The following SDCCAG8 variants were observed in gnomAD, a reference collection of about 807,000 sequenced individuals.
SDCCAG8 encodes SHH signaling and ciliogenesis regulator SDCCAG8.
In SDCCAG8, 74 loss-of-function variants were observed where a neutral mutation model predicts 101.8. The observed-to-expected ratio is 0.73, with a 90% CI of 0.60 to 0.88. The LOEUF is 0.88. SDCCAG8 is among the 40% of genes least tolerant of loss of function. The pLI is 0.00. For synonymous variants in SDCCAG8, 281 were observed against 292.9 expected, an observed-to-expected ratio of 0.96 and a Z score of 0.41; for missense variants, 787 against 822.6, an observed-to-expected ratio of 0.96 and a Z score of 0.53.
intron 9 of SDCCAG8, among the ~76,000 whole-genome samples, chr1:243,323,259 A>C (rs1199591498): frequency 6.6e-6 from 1 of 151,540 alleles, no homozygotes; most frequent in Non-Finnish European, 1.5e-5. Context: ...CTAGTCAGGA[A>C]CTCCACTTTC....
At chr1:243,361,196 G>A (rs188696206) in intron 12 of SDCCAG8, among the ~76,000 whole-genome samples, 68 of 152,198 alleles carry the variant, frequency 4.5e-4, no homozygotes, top group Admixed American at 5.9e-4. Context: ...TTTCTTCGCC[G>A]GGTTCTCTGG....
chr1:243,306,103 A>G (rs2210828), intron 7 of SDCCAG8: 16,426 of 152,106 alleles, frequency 0.11, 1,197 homozygotes, highest in Non-Finnish European at 0.15. Context: ...AAAAAAAAAA[A>G]AAAACCGAGC....
chr1:243,339,948 G>A (rs1361604603), intron 10 of SDCCAG8, among the ~76,000 whole-genome samples: 1 of 152,128 alleles, frequency 6.6e-6, no homozygotes, highest in Non-Finnish European at 1.5e-5. Flanking sequence ...AAAACTGCCA[G>A]TACAGTATGA....
chr1:243,378,649 A>G, intron 12 of SDCCAG8, 72 bp from the exon 13 acceptor site: 1 of 1,514,748 alleles, frequency 6.6e-7, no homozygotes, highest in East Asian at 2.3e-5. Context: ...GGCAAAAAAT[A>G]AAAATGAGCT....
intron 6 of SDCCAG8, among the ~76,000 whole-genome samples, chr1:243,294,696 T>TTCC (rs796839957): frequency 4.8e-4 from 30 of 62,232 alleles, no homozygotes; most frequent in Non-Finnish European, 7.9e-4. Context: ...CTTTCTAAAT[T>TTCC]CCCCCCCCCC....
chr1:243,400,728 A>G (rs1402729676), intron 13 of SDCCAG8, among the ~76,000 whole-genome samples: 2 of 152,174 alleles, frequency 1.3e-5, no homozygotes, highest in African/African-American at 4.8e-5. Context: ...ATTGCCAGTC[A>G]GTTCATTGAA....
rs970499684 is a variant in SDCCAG8, at chr1:243,378,985, T to A, written c.1616+122T>A. 56 of 1,319,224 alleles carry A rather than the reference T, an allele frequency of 4.2e-5. No homozygotes were observed. In the African/African-American group the frequency reaches 7.1e-4, roughly 17 times the overall value. 81.7% of individuals were successfully genotyped at this position (1,319,224 alleles called of 1,614,324 possible). On this transcript the variant is annotated intron_variant, in intron 13 of 17. Coordinates refer to ENST00000366541, the MANE Select transcript of SDCCAG8 (RefSeq NM_006642.5). ...TCAATTCACACTTAGCTTTCAGGCA[T>A]ATTAAGAAAAGTGGAGATGTGGTAA...
chr1:243,263,393 G>GCTTTGCTTGTA (rs2067337334), intron 1 of SDCCAG8, among the ~76,000 whole-genome samples: 1 of 152,132 alleles, frequency 6.6e-6, no homozygotes, highest in South Asian at 2.1e-4. Context: ...AGAAGTACAG[G>GCTTTGCTTGTA]CTTTGCTTGT....
At chr1:243,388,121 A>G (rs566673034) in intron 13 of SDCCAG8, among the ~76,000 whole-genome samples, 31 of 152,288 alleles carry the variant, frequency 2.0e-4, no homozygotes, top group African/African-American at 7.5e-4. Context: ...AAATTGATAA[A>G]TTTTTATAAC....
intron 1 of SDCCAG8, among the ~76,000 whole-genome samples, chr1:243,262,664 G>GT (rs1029803726): frequency 5.3e-5 from 8 of 152,176 alleles, no homozygotes; most frequent in African/African-American, 9.7e-5. Context: ...TATAGAGTAA[G>GT]TTTTTTTCAA....
At chr1:243,331,842 C>T (rs1444899680) in intron 10 of SDCCAG8, among the ~76,000 whole-genome samples, 8 of 151,756 alleles carry the variant, frequency 5.3e-5, no homozygotes, top group East Asian at 3.9e-4. Flanking sequence ...GTCACAGGAA[C>T]GATGCAGTTT....
At chr1:243,450,212 G>C (rs1476672919) in intron 16 of SDCCAG8, among the ~76,000 whole-genome samples, 1 of 152,196 alleles carries the variant, frequency 6.6e-6, no homozygotes, top group Non-Finnish European at 1.5e-5. Context: ...AAGTCCCAGT[G>C]TATGGAAGTG....
intron 12 of SDCCAG8, among the ~76,000 whole-genome samples, chr1:243,363,262 A>G (rs1438963803): frequency 6.6e-6 from 1 of 152,224 alleles, no homozygotes; most frequent in East Asian, 1.9e-4. Flanking sequence ...GAACCAGACC[A>G]TTGCCTTCTT....
chr1:243,321,481 G>A (rs1300477253), intron 9 of SDCCAG8, among the ~76,000 whole-genome samples: 1 of 152,006 alleles, frequency 6.6e-6, no homozygotes, highest in African/African-American at 2.4e-5. Context: ...AGCATATGGT[G>A]TTTGGTTTCC....
At chr1:243,389,949 G>A (rs2078600258) in intron 13 of SDCCAG8, among the ~76,000 whole-genome samples, 1 of 152,182 alleles carries the variant, frequency 6.6e-6, no homozygotes, top group Non-Finnish European at 1.5e-5. Flanking sequence ...GGCACTGGGT[G>A]TTTAGCAGAT....
chr1:243,495,208 G>A (rs998472002), intron 17 of SDCCAG8, among the ~76,000 whole-genome samples: 7 of 152,220 alleles, frequency 4.6e-5, no homozygotes, highest in South Asian at 4.1e-4. Context: ...CCTCCACCCC[G>A]GCCTCATGTG....
chr1:243,374,875 T>G (rs1464518883), intron 12 of SDCCAG8, among the ~76,000 whole-genome samples: 2 of 152,058 alleles, frequency 1.3e-5, no homozygotes, highest in Non-Finnish European at 2.9e-5. Flanking sequence ...TTATCTAATA[T>G]GTTCATTTAA....
chr1:243,261,395 A>G (rs1272127610), intron 1 of SDCCAG8, among the ~76,000 whole-genome samples: 1 of 152,246 alleles, frequency 6.6e-6, no homozygotes, highest in African/African-American at 2.4e-5. Context: ...CCAGGTACAC[A>G]GAAAGTGAGA....
rs1467091834 is a variant in SDCCAG8 at position 243,294,712 on chromosome 1, A to G, written c.675+1493A>G. On this transcript the variant is annotated intron_variant, in intron 6 of 17. Coordinates refer to ENST00000366541, the MANE Select transcript of SDCCAG8 (RefSeq NM_006642.5). ...TTTCTAAATTCCCCCCCCCCCCCAC[A>G]GCTGCCTTTGAACGTCCTAATTTCC... is the stretch of plus-strand genomic sequence containing the variant. 5.6e-5 allele frequency among the ~76,000 whole-genome samples: 3 copies of G among 53,222 alleles called. No homozygotes were observed. In the South Asian group the frequency reaches 1.4e-3, roughly 25 times the overall value. The allele number at this position is 53,222 out of a possible 152,430, so 34.9% of individuals were successfully genotyped here.
Sources: allele counts gnomAD v4.1 joint callset (sites outside exome capture counted in the v4.1 genomes callset), GRCh38; gene constraint gnomAD v4.1.1; transcripts MANE v1.5; gene names NCBI Gene and HGNC (gene_info 2026-07-23, HGNC 2026-07-21).